Variants in CUL4A observed in about 807,000 individuals in gnomAD.
CUL4A encodes cullin-4A.
Under a neutral mutation model 95.5 loss-of-function variants are expected in CUL4A, and 16 were observed. That is an observed-to-expected ratio of 0.17 (90% CI 0.11 to 0.25). CUL4A has a LOEUF of 0.25. Ranked by LOEUF, CUL4A falls within the 10% of genes least tolerant of loss-of-function variation. CUL4A has a pLI of 1.00. For synonymous variants in CUL4A, 380 were observed against 353.1 expected, an observed-to-expected ratio of 1.08 and a Z score of -0.85; for missense variants, 610 against 937.0, an observed-to-expected ratio of 0.65 and a Z score of 4.56.
chr13:113,249,935 C>T (rs140478136), intron 15 of CUL4A, among the ~76,000 whole-genome samples: 219 of 152,200 alleles, frequency 1.4e-3, no homozygotes, highest in African/African-American at 3.7e-3. Flanking sequence ...AGTTTTTAAC[C>T]GGGCTGTTTA....
At chr13:113,230,719 C>G (rs1389482053) in intron 5 of CUL4A, among the ~76,000 whole-genome samples, 2 of 152,152 alleles carry the variant, frequency 1.3e-5, no homozygotes, top group Non-Finnish European at 2.9e-5. Flanking sequence ...ATAACTTGCC[C>G]TACCTCAGTT....
upstream of CUL4A, chr13:113,208,253 C>A (rs1430979082): frequency 3.5e-6 from 5 of 1,439,282 alleles, no homozygotes; most frequent in East Asian, 9.9e-5. Flanking sequence ...CCACAGCGGG[C>A]CCTCGGCGTG....
chr13:113,214,658 G>C (rs1180142910), intron 2 of CUL4A, among the ~76,000 whole-genome samples: 1 of 152,164 alleles, frequency 6.6e-6, no homozygotes, highest in Non-Finnish European at 1.5e-5. Flanking sequence ...CGGCTGACAT[G>C]CAAGTTCTGA....
At chr13:113,215,725 T>C (rs1461397360) in intron 2 of CUL4A, among the ~76,000 whole-genome samples, 1 of 147,454 alleles carries the variant, frequency 6.8e-6, no homozygotes, top group African/African-American at 2.6e-5. Flanking sequence ...TGTGTGGCTA[T>C]GGAGGTCGCG....
intron 2 of CUL4A, among the ~76,000 whole-genome samples, chr13:113,218,208 A>G (rs1233502088): frequency 6.6e-6 from 1 of 152,072 alleles, no homozygotes; most frequent in East Asian, 1.9e-4. Context: ...TTTGCACTCC[A>G]GCCTGGGTGA....
Position 113,244,393 on chromosome 13 carries a change from T to C in CUL4A, c.1229-17T>C, listed in dbSNP as rs1288768282. 7 of 1,581,848 alleles carry C rather than the reference T, an allele frequency of 4.4e-6. No homozygotes were observed. Among genetic ancestry groups the C allele is most frequent in the Admixed American group, 3.4e-5 (2 of 58,466 alleles). ...TTTTTCTAGTTTAGAGTATTTACTA[T>C]ATGTTTATGCTCACAGCAAAGCATG... On this transcript the variant is annotated splice_polypyrimidine_tract_variant and intron_variant, in intron 11 of 19. Transcript: ENST00000375440.
rs745717245 is a variant in CUL4A, at chr13:113,236,784, AACTTT to A, written c.849-34_849-30del. The A allele has an allele frequency of 5.8e-5, 83 of 1,428,360 alleles. No individual in the cohort carries two copies. The Middle Eastern group carries it at 1.9e-3, about 34-fold the overall frequency. 88.5% of individuals were successfully genotyped at this position (1,428,360 alleles called of 1,614,324 possible). ...TTGCAGAGAACCAGTCTCTTCTTTA[AACTTT>A]ACTTCTAACGCTTATTCTTTTTACC... is the stretch of plus-strand genomic sequence containing the variant. On this transcript the variant is annotated intron_variant, in intron 8 of 19. Transcript: ENST00000375440.
chr13:113,248,505 T>A (rs2041912939), intron 15 of CUL4A, among the ~76,000 whole-genome samples: 1 of 152,222 alleles, frequency 6.6e-6, no homozygotes, highest in Non-Finnish European at 1.5e-5. Context: ...CTAGCAAAAG[T>A]TGTTTGAAGC....
chr13:113,258,149 C>G (rs900321278), intron 18 of CUL4A, among the ~76,000 whole-genome samples: 4 of 151,970 alleles, frequency 2.6e-5, no homozygotes, highest in Admixed American at 2.6e-4. Context: ...GCCACCACGC[C>G]CAGCTAAATT....
rs1300457636 is a variant in CUL4A at position 113,209,975 on chromosome 13, A to G, written c.151A>G (p.Arg51Gly). Reference protein sequence around the residue: ...KKLVIKNFRDRPRLPDNYTQD... With the variant: ...KKLVIKNFRDGPRLPDNYTQD... ...CCCGCTCTCCCTCCGCCCTGCAGAC[A>G]GACCTCGGCTGCCCGACAACTACAC... The change falls in exon 2 of 20, where the codon AGA becomes GGA. Residue 51 changes from arginine (R) to glycine (G), a missense_variant and splice_region_variant. By Grantham distance (125) the Arg-to-Gly change is moderately radical. Around this residue, in one of 10 missense-constraint regions of CUL4A, gnomAD observed 168 missense variants for 185.5 expected, o/e 0.91. Coordinates refer to ENST00000375440, the MANE Select transcript of CUL4A (RefSeq NM_001008895.4). 1.3e-6 allele frequency: 2 copies of G among 1,506,352 alleles called. No individual in the cohort carries two copies. The highest frequency in any genetic ancestry group is 1.8e-6 in the Non-Finnish European group (2 of 1,128,818). The allele number at this position is 1,506,352 out of a possible 1,614,324, so 93.3% of individuals were successfully genotyped here. A position where few individuals can be genotyped will look rare whatever the true frequency, so the allele number is the denominator to read the frequency against.
chr13:113,222,749 C>G (rs1489868285), intron 3 of CUL4A, among the ~76,000 whole-genome samples: 1 of 152,138 alleles, frequency 6.6e-6, no homozygotes, highest in Non-Finnish European at 1.5e-5. Flanking sequence ...GCCTAGACGA[C>G]AATTAGCCGG....
chr13:113,253,120 T>C lies in CUL4A; in HGVS notation c.1677T>C (p.Leu559=), dbSNP rs776353297. ...AGGAAGTATTTAAGGCATTTTATCT[T>C]GGAAAGCACAGTGGTCGAAAACTTC... ...KLQEVFKAFY[L]GKHSGRKLQW... The change falls in exon 16 of 20, where the codon CTT becomes CTC. Residue 559 remains leucine, a synonymous_variant. Coordinates refer to ENST00000375440, the MANE Select transcript of CUL4A (RefSeq NM_001008895.4). 6.2e-7 allele frequency: 1 copy of C among 1,607,414 alleles called. No homozygotes were observed. Among genetic ancestry groups the C allele is most frequent in the Admixed American group, 1.7e-5 (1 of 59,520 alleles).
intron 2 of CUL4A, among the ~76,000 whole-genome samples, 193 bp downstream of exon 2, chr13:113,210,281 C>T (rs2040341301): frequency 6.6e-6 from 1 of 152,192 alleles, no homozygotes; most frequent in Non-Finnish European, 1.5e-5. Flanking sequence ...TTTTTGTTTT[C>T]AGGCTTAAGC....
chr13:113,256,227 G>A (rs911010553), intron 18 of CUL4A, among the ~76,000 whole-genome samples: 6 of 152,128 alleles, frequency 3.9e-5, no homozygotes, highest in African/African-American at 9.7e-5. Context: ...GCCAGTTTTC[G>A]TTGCTGATCG....
At chr13:113,260,070 G>T (rs1031484613) in intron 18 of CUL4A, among the ~76,000 whole-genome samples, 10 of 150,288 alleles carry the variant, frequency 6.7e-5, no homozygotes, top group Admixed American at 2.7e-4. Flanking sequence ...CGGGCATGGT[G>T]GGGGGGCACC....
At chr13:113,209,923 G>C (rs1475820258) in intron 1 of CUL4A, 50 bp from the exon 2 acceptor site, 1 of 1,401,010 alleles carries the variant, frequency 7.1e-7, no homozygotes, top group East Asian at 3.2e-5. Context: ...TGGCTACGCG[G>C]GGCGCTTCGC....
chr13:113,233,233 G>A lies in CUL4A; in HGVS notation c.569G>A (p.Ser190Asn). The A allele has an allele frequency of 6.2e-7, 1 of 1,614,054 alleles. No individual in the cohort carries two copies. The highest frequency in any genetic ancestry group is 8.5e-7 in the Non-Finnish European group (1 of 1,179,940). ...THIISDKMVQ[S>N]KTIDGILLLI... ...ATTATTAGTGATAAAATGGTTCAGA[G>A]TAAAACCATTGATGGAATCCTACTG... The change falls in exon 6 of 20, where the codon AGT (serine) becomes AAT (asparagine). Residue 190 changes from serine to asparagine, a missense_variant. Physicochemically the swap from Ser to Asn is conservative, Grantham distance 46. Coordinates refer to ENST00000375440, the MANE Select transcript of CUL4A (RefSeq NM_001008895.4).
Position 113,223,213 on chromosome 13 carries a change from T to G in CUL4A, c.368+4165T>G, listed in dbSNP as rs149141380. On this transcript the variant is annotated intron_variant, in intron 3 of 19. Coordinates refer to ENST00000375440, the MANE Select transcript of CUL4A (RefSeq NM_001008895.4). ...CGGGTCCTGCTCTCAAAAAGCTTGT[T>G]TTTGCTGGAAGAGAGTTCTGACCCA... Among the ~76,000 whole-genome samples, 13 of 152,184 alleles carry G rather than the reference T, an allele frequency of 8.5e-5. No homozygotes were observed. In the East Asian group the frequency reaches 2.5e-3, roughly 29 times the overall value.
At chr13:113,249,139 T>G (rs1314346232) in intron 15 of CUL4A, among the ~76,000 whole-genome samples, 1 of 152,226 alleles carries the variant, frequency 6.6e-6, no homozygotes, top group African/African-American at 2.4e-5. Flanking sequence ...TTCACAGAAA[T>G]GGAATCACAA....
Sources: allele counts gnomAD v4.1 joint callset (sites outside exome capture counted in the v4.1 genomes callset), GRCh38; gene constraint gnomAD v4.1.1; regional missense constraint gnomAD v4.1.1; transcripts MANE v1.5; gene names NCBI Gene and HGNC (gene_info 2026-07-23, HGNC 2026-07-21).